ACOX3: variants seen among roughly 807,000 people sequenced by gnomAD.
The protein encoded by ACOX3 is peroxisomal acyl-coenzyme A oxidase 3.
ACOX3 carries 73 observed loss-of-function variants against 81.5 expected under a neutral mutation model. The observed-to-expected ratio is 0.90, with a 90% CI of 0.74 to 1.09. The LOEUF is 1.09. Among genes scored for constraint, ACOX3 ranks in the 50% least tolerant of loss-of-function variants. The probability of loss-of-function intolerance (pLI) is 0.00; values close to 1 mark genes in which losing one functional copy is unlikely to be tolerated. For synonymous variants in ACOX3, 387 were observed against 375.1 expected (o/e 1.03, Z -0.37); for missense variants, 947 against 928.0 (o/e 1.02, Z -0.27).
chr4:8,373,620 A>G lies in ACOX3; in HGVS notation c.1837T>C (p.Phe613Leu). The change falls in exon 16 of 18, where the codon TTC becomes CTC. Residue 613 changes from phenylalanine to leucine, a missense_variant. Transcript: ENST00000356406. ...ACTTCTCCCGCCTGCTCACCGGAGA[A>G]GTATCCTCCTGCAAGCACAGCCTCG... ...HAALLYRGGY[F>L]SGEQAGEVLE... The G allele has an allele frequency of 6.2e-7, 1 of 1,612,372 alleles. No individual in the cohort carries two copies. Among genetic ancestry groups the G allele is most frequent in the Non-Finnish European group, 8.5e-7 (1 of 1,179,284 alleles).
rs532882448 is a variant in ACOX3, at chr4:8,429,400, G to A, written c.-15+11248C>T. ...GGCAAAAAAGTTAAAAGGATAAATGGTTACAGGAAAGTAAACAGTTCCAGG... is the reference window on the plus strand; with the variant it reads ...GGCAAAAAAGTTAAAAGGATAAATGATTACAGGAAAGTAAACAGTTCCAGG... On this transcript the variant is annotated intron_variant, in intron 1 of 17. Coordinates refer to ENST00000356406, the MANE Select transcript of ACOX3 (RefSeq NM_003501.3). 6.4e-4 allele frequency among the ~76,000 whole-genome samples: 97 copies of A among 152,310 alleles called. 3 individuals are homozygous for A. The highest frequency in any genetic ancestry group is 2.2e-3 in the African/African-American group (93 of 41,558).
At position 8,440,677 on chromosome 4, in the gene ACOX3, G is replaced by C. The variant is rs528838106; in HGVS notation, c.-44C>G. 9 of 1,075,478 alleles carry C rather than the reference G, an allele frequency of 8.4e-6. No individual in the cohort carries two copies. Among genetic ancestry groups the C allele is most frequent in the Non-Finnish European group, 1.1e-5 (9 of 796,902 alleles). The allele number at this position is 1,075,478 out of a possible 1,614,324, so 66.6% of individuals were successfully genotyped here. A position where few individuals can be genotyped will look rare whatever the true frequency, so the allele number is the denominator to read the frequency against. Reference sequence around the variant, plus strand: ...ACACTCCACAGTTCAACCCCTGCCAGGGAAACCAAAAGCAGGAAAGGATCT... The same window carrying C: ...ACACTCCACAGTTCAACCCCTGCCACGGAAACCAAAAGCAGGAAAGGATCT... On this transcript the variant is annotated 5_prime_UTR_variant, in exon 1 of 18. Transcript: ENST00000356406.
chr4:8,356,621 C>T, the ACOX3 span: 9 of 456,096 alleles, frequency 2.0e-5, no homozygotes, highest in Non-Finnish European at 2.6e-5. Flanking sequence ...AACATGATCC[C>T]GGCAGGTGAG....
chr4:8,433,219 G>A (rs1196496657), intron 1 of ACOX3, among the ~76,000 whole-genome samples: 4 of 152,210 alleles, frequency 2.6e-5, no homozygotes, highest in South Asian at 2.1e-4. Flanking sequence ...CTCCTGACAC[G>A]CTCCCTAATC....
Position 8,410,364 on chromosome 4 carries a change from G to C in ACOX3, c.544-9C>G. ...GAATGTATGATGAATTCCTGCACAA[G>C]GGAAAATTTAGGTTAGTTATAATTA... On this transcript the variant is annotated splice_polypyrimidine_tract_variant and intron_variant, in intron 5 of 17. Transcript: ENST00000356406. The C allele has an allele frequency of 6.2e-7, 1 of 1,613,100 alleles. No individual in the cohort carries two copies.
chr4:8,367,024 T>C lies in ACOX3; in HGVS notation c.2040A>G (p.Ala680=). ...VLQESKVLER[A]SWWPEFSVNK... Reference sequence around the variant, plus strand: ...TCACAGAAAACTCTGGCCACCAGGATGCCCGCTCCAACACCTTGCTTTCCT... The same window carrying C: ...TCACAGAAAACTCTGGCCACCAGGACGCCCGCTCCAACACCTTGCTTTCCT... The change falls in exon 18 of 18, where the codon GCA becomes GCG. Residue 680 remains alanine (A), a synonymous_variant. Transcript: ENST00000356406. 1 of 1,614,170 alleles carries C rather than the reference T, an allele frequency of 6.2e-7. No individual in the cohort carries two copies. The highest frequency in any genetic ancestry group is 8.5e-7 in the Non-Finnish European group (1 of 1,180,022).
intron 16 of ACOX3, among the ~76,000 whole-genome samples, chr4:8,371,527 T>G (rs1330268976): frequency 6.6e-6 from 1 of 152,244 alleles, no homozygotes; most frequent in Non-Finnish European, 1.5e-5. Context: ...AGAATTTTCT[T>G]AAGATGCAAA....
rs57355435 is a variant in ACOX3 at position 8,377,029 on chromosome 4, T to C, written c.1654-1877A>G. Among the ~76,000 whole-genome samples the C allele has an allele frequency of 8.7e-4, 132 of 151,914 alleles. 2 individuals carry two copies. In the East Asian group the frequency reaches 0.013, roughly 15 times the overall value. ...CAGCCCTTCCTCCTTCCACCTTCCATGAAACAAGCGGGTGACGGCATCTGC... is the reference window on the plus strand; with the variant it reads ...CAGCCCTTCCTCCTTCCACCTTCCACGAAACAAGCGGGTGACGGCATCTGC... On this transcript the variant is annotated intron_variant, in intron 14 of 17. Transcript: ENST00000356406.
intron 15 of ACOX3, chr4:8,373,864 G>C: frequency 1.7e-6 from 1 of 575,796 alleles, no homozygotes; most frequent in South Asian, 2.0e-5. Flanking sequence ...CCGCGGCAGC[G>C]AGGGAGGCAA....
At chr4:8,429,507 G>C (rs1723819608) in intron 1 of ACOX3, among the ~76,000 whole-genome samples, 1 of 152,212 alleles carries the variant, frequency 6.6e-6, no homozygotes, top group Non-Finnish European at 1.5e-5. Flanking sequence ...GGGAATTGCG[G>C]ATATTGCTCG....
chr4:8,422,367 C>G (rs182462730), intron 1 of ACOX3, among the ~76,000 whole-genome samples: 12 of 152,306 alleles, frequency 7.9e-5, no homozygotes, highest in African/African-American at 2.6e-4. Flanking sequence ...CTATAACACT[C>G]CAATACCACT....
At position 8,386,563 on chromosome 4, in the gene ACOX3, C is replaced by G. The variant is rs1465651350; in HGVS notation, c.1537+2610G>C. 4.3e-5 allele frequency among the ~76,000 whole-genome samples: 6 copies of G among 139,720 alleles called. No individual in the cohort carries two copies. Among genetic ancestry groups the G allele is most frequent in the African/African-American group, 1.6e-4 (6 of 36,472 alleles). The allele number at this position is 139,720 out of a possible 152,430, so 91.7% of individuals were successfully genotyped here. A position where few individuals can be genotyped will look rare whatever the true frequency, so the allele number is the denominator to read the frequency against. ...CCTGGGCGACAGAGCGAGACTCCGT[C>G]TCAAAAAAAAAAAAAAAAAGAAAGT... is the stretch of plus-strand genomic sequence containing the variant. On this transcript the variant is annotated intron_variant, in intron 13 of 17. Coordinates refer to ENST00000356406, the MANE Select transcript of ACOX3 (RefSeq NM_003501.3). The surrounding 1 kb of genome is among the most constrained non-coding windows in gnomAD (Gnocchi z 5.2).
At chr4:8,397,227 T>G in intron 8 of ACOX3, 108 bp from the exon 9 acceptor site, 2 of 1,097,006 alleles carry the variant, frequency 1.8e-6, no homozygotes, top group Non-Finnish European at 2.5e-6. Context: ...AGTAGACCTG[T>G]GCCCACCTGC....
At chr4:8,397,725 C>T (rs907732457) in intron 8 of ACOX3, among the ~76,000 whole-genome samples, 4 of 152,248 alleles carry the variant, frequency 2.6e-5, no homozygotes, top group African/African-American at 7.2e-5. Context: ...GTGATCTGAC[C>T]GTCCTTCCTG....
rs573770610 is a variant in ACOX3 at position 8,423,132 on chromosome 4, G to A, written c.-14-6597C>T. On this transcript the variant is annotated intron_variant, in intron 1 of 17. Transcript: ENST00000356406. This position sits in a 1 kb window ranked among gnomAD's most constrained non-coding sequence, Gnocchi z 4.2. ...TCTGGTCCTGGACAACCGTCCTCCAGATCTGTCACTACCCGAGGGGTCCTA... is the reference window on the plus strand; with the variant it reads ...TCTGGTCCTGGACAACCGTCCTCCAAATCTGTCACTACCCGAGGGGTCCTA... 2.6e-5 allele frequency among the ~76,000 whole-genome samples: 4 copies of A among 152,274 alleles called. No individual in the cohort carries two copies. Among genetic ancestry groups the A allele is most frequent in the Non-Finnish European group, 5.9e-5 (4 of 68,020 alleles).
At position 8,378,421 on chromosome 4, in the gene ACOX3, C is replaced by T. The variant is rs114018448; in HGVS notation, c.1653+3071G>A. Among the ~76,000 whole-genome samples the T allele has an allele frequency of 7.3e-3, 1,118 of 152,336 alleles. 14 individuals carry two copies. The highest frequency in any genetic ancestry group is 0.026 in the African/African-American group (1,064 of 41,566). ...GAGAACAAATGTCCTCGTCCTTGTC[C>T]GCCTTCTGATGTGCAAATCCCTGAA... On this transcript the variant is annotated intron_variant, in intron 14 of 17. Transcript: ENST00000356406.
intron 13 of ACOX3, among the ~76,000 whole-genome samples, chr4:8,387,774 G>C (rs944035476): frequency 2.0e-5 from 3 of 152,216 alleles, no homozygotes; most frequent in Non-Finnish European, 4.4e-5. Flanking sequence ...CCACAGGCTT[G>C]GGTTTGAATC....
chr4:8,379,685 T>C (rs1386867847), intron 14 of ACOX3, among the ~76,000 whole-genome samples: 3 of 152,220 alleles, frequency 2.0e-5, no homozygotes, highest in African/African-American at 7.2e-5. Flanking sequence ...CGGGCAGTTC[T>C]AAGAGACACA....
At position 8,437,150 on chromosome 4, in the gene ACOX3, T is replaced by G. The variant is rs900479889; in HGVS notation, c.-15+3498A>C. Among the ~76,000 whole-genome samples the G allele has an allele frequency of 2.1e-5, 3 of 144,948 alleles. No homozygotes were observed. In the South Asian group the frequency reaches 6.4e-4, roughly 31 times the overall value. On this transcript the variant is annotated intron_variant, in intron 1 of 17. Coordinates refer to ENST00000356406, the MANE Select transcript of ACOX3 (RefSeq NM_003501.3). This position sits in a 1 kb window ranked among gnomAD's most constrained non-coding sequence, Gnocchi z 5.2. ...ATGTAAATATATATATAAATATATA[T>G]ATAGTGAATACTTCGTTTGTAAAGC...
Sources: gnomAD v4.1 joint callset for allele counts (sites outside exome capture counted in the v4.1 genomes callset) on GRCh38, gnomAD v4.1.1 for gene constraint, Gnocchi (gnomAD v3.1) non-coding constraint, MANE v1.5 for transcripts, NCBI Gene and HGNC (gene_info 2026-07-23, HGNC 2026-07-21) for gene names.